The following BANP variants were observed in gnomAD, a reference collection of about 807,000 sequenced individuals.
BANP encodes the protein protein BANP.
A neutral mutation model predicts 68.1 loss-of-function variants in BANP; 11 were observed. The ratio of observed to expected loss-of-function variants is 0.16; its 90% confidence interval spans 0.10 to 0.27. The LOEUF (loss-of-function observed/expected upper bound fraction) is 0.27, where lower values mean the gene tolerates loss of function less well. BANP is among the 10% of genes least tolerant of loss of function. BANP has a pLI of 1.00. For synonymous variants in BANP, 329 were observed against 303.2 expected, an observed-to-expected ratio of 1.09 and a Z score of -0.88; for missense variants, 504 against 722.7, an observed-to-expected ratio of 0.70 and a Z score of 3.47.
intron 13 of BANP, 44 bp downstream of exon 13, chr16:88,072,256 G>T (rs1232170655): frequency 6.4e-7 from 1 of 1,559,454 alleles, no homozygotes; most frequent in Non-Finnish European, 8.7e-7. Flanking sequence ...TGATGGCATG[G>T]CCGCCTGCCG....
chr16:88,050,758 G>A lies in BANP; in HGVS notation c.1311+12747G>A, dbSNP rs113790455. 6.6e-4 allele frequency among the ~76,000 whole-genome samples: 100 copies of A among 152,128 alleles called. 1 individual carries two copies. Among genetic ancestry groups the A allele is most frequent in the African/African-American group, 2.4e-3 (98 of 41,510 alleles). ...GGCTGGAGTGCAGTGGTGCAGTCAC[G>A]GCTCACTGCAACCTCTGCCTCCAGG... On this transcript the variant is annotated intron_variant, in intron 11 of 13. Transcript: ENST00000682872.
At chr16:87,967,938 G>A (rs907794687) in intron 1 of BANP, among the ~76,000 whole-genome samples, 6 of 150,562 alleles carry the variant, frequency 4.0e-5, no homozygotes, top group African/African-American at 1.2e-4. Context: ...GGTATTTTTA[G>A]TAAGACAGGT....
chr16:88,023,466 G>GCTTCGAGACA (rs67108688), intron 7 of BANP, among the ~76,000 whole-genome samples: 41,345 of 89,686 alleles, frequency 0.46, 7,439 homozygotes, highest in Non-Finnish European at 0.58. Flanking sequence ...TCGGGCAGAG[G>GCTTCGAGACA]CCTTTTGTTT....
chr16:88,021,537 C>T (rs1169205822), intron 7 of BANP, among the ~76,000 whole-genome samples: 3 of 152,216 alleles, frequency 2.0e-5, no homozygotes, highest in African/African-American at 7.2e-5. Context: ...TCTCCCCCGC[C>T]TCAGGCTAGG....
intron 7 of BANP, among the ~76,000 whole-genome samples, chr16:88,019,104 G>A (rs549954830): frequency 1.2e-4 from 18 of 152,294 alleles, no homozygotes; most frequent in South Asian, 6.2e-4. Context: ...CTCAGCAGCC[G>A]TGCCAGGGCC....
chr16:88,038,474 G>T (rs1409201876), intron 11 of BANP, among the ~76,000 whole-genome samples: 1 of 79,152 alleles, frequency 1.3e-5, no homozygotes, highest in African/African-American at 5.2e-5. Context: ...TCCCACCCCC[G>T]CCACCCCACC....
chr16:88,072,053 G>C lies in BANP; in HGVS notation c.1378-16G>C, dbSNP rs113141769. 53 of 1,559,198 alleles carry C rather than the reference G, an allele frequency of 3.4e-5. No individual in the cohort carries two copies. The African/African-American group carries it at 5.4e-4, about 16-fold the overall frequency. On this transcript the variant is annotated splice_polypyrimidine_tract_variant and intron_variant, in intron 12 of 13. Transcript: ENST00000682872. ...TGGGCCACGCCGCTGACGGGCCCCC[G>C]TGTGTCTCCCTCCAGGTGCTGCAGG...
At chr16:87,986,985 G>A (rs1026207104) in intron 4 of BANP, among the ~76,000 whole-genome samples, 7 of 152,076 alleles carry the variant, frequency 4.6e-5, no homozygotes, top group Admixed American at 3.3e-4. Context: ...TAGAAGAATC[G>A]TTCTGCTATT....
intron 12 of BANP, among the ~76,000 whole-genome samples, chr16:88,069,425 C>T (rs566036969): frequency 1.4e-4 from 22 of 152,348 alleles, no homozygotes; most frequent in African/African-American, 4.1e-4. Flanking sequence ...GAGAGGCCTA[C>T]GCCCGAGCCC....
In BANP at chr16:88,060,524, C is replaced by T. The variant is rs566163917; in HGVS notation, c.1312-4743C>T. ...TTAGAAGTTCGTTCTTTTGCCCTCT[C>T]ACGGTGGATTCAAACGTATTTTTTG... On this transcript the variant is annotated intron_variant, in intron 11 of 13. Transcript: ENST00000682872. Among the ~76,000 whole-genome samples the T allele has an allele frequency of 5.3e-5, 8 of 152,366 alleles. No individual in the cohort carries two copies. The South Asian group carries it at 1.2e-3, about 24-fold the overall frequency.
chr16:88,043,891 C>G (rs996503390), intron 11 of BANP, among the ~76,000 whole-genome samples: 1 of 139,724 alleles, frequency 7.2e-6, no homozygotes, highest in Non-Finnish European at 1.5e-5. Context: ...ACAAAAAAAG[C>G]CCTTAAAAAT....
intron 1 of BANP, among the ~76,000 whole-genome samples, chr16:87,967,622 A>AATT (rs1555538368): frequency 8.3e-6 from 1 of 120,584 alleles, no homozygotes; most frequent in African/African-American, 3.3e-5. Context: ...CACCCAGTTA[A>AATT]TTTTTTTTTT....
intron 11 of BANP, among the ~76,000 whole-genome samples, chr16:88,053,360 C>T (rs2083843208): frequency 6.6e-6 from 1 of 151,836 alleles, no homozygotes; most frequent in Admixed American, 6.6e-5. Flanking sequence ...ACCACCCTAA[C>T]AGCCACTCCC....
At chr16:87,962,799 A>G (rs7498865) in intron 1 of BANP, among the ~76,000 whole-genome samples, 36,456 of 151,946 alleles carry the variant, frequency 0.24, 4,861 homozygotes, top group East Asian at 0.49. Context: ...TCAGTCATTT[A>G]TAGTTTTCTT....
intron 4 of BANP, among the ~76,000 whole-genome samples, chr16:87,998,822 C>G (rs2068099426): frequency 1.4e-5 from 2 of 141,382 alleles, no homozygotes; most frequent in Non-Finnish European, 3.1e-5. Context: ...AGACACGTCT[C>G]CGTGCCCGCA....
intron 7 of BANP, among the ~76,000 whole-genome samples, chr16:88,025,078 T>A (rs944482278): frequency 6.6e-6 from 1 of 152,216 alleles, no homozygotes; most frequent in Non-Finnish European, 1.5e-5. Flanking sequence ...TCTGAGGATG[T>A]TTCTTTTTAT....
chr16:87,975,106 C>CT lies in BANP; in HGVS notation c.-10_-9insT, dbSNP rs71156278. ...TCTTTCGTGTTGACCGGCCACTCTC[C>CT]GTGCTCTGGATGATGTCGGAACACG... On this transcript the variant is annotated 5_prime_UTR_variant, in exon 2 of 14. Transcript: ENST00000682872. 0.42 allele frequency: 679,078 copies of CT among 1,612,686 alleles called. 155,763 individuals are homozygous for CT. The highest frequency in any genetic ancestry group is 0.49 in the Non-Finnish European group (573,089 of 1,179,002).
chr16:88,018,215 G>A lies in BANP; in HGVS notation c.656-213G>A, dbSNP rs1348718630. 6.6e-6 allele frequency among the ~76,000 whole-genome samples: 1 copy of A among 152,124 alleles called. No individual in the cohort carries two copies. Among genetic ancestry groups the A allele is most frequent in the Non-Finnish European group, 1.5e-5 (1 of 68,026 alleles). On this transcript the variant is annotated intron_variant, in intron 6 of 13. Coordinates refer to ENST00000682872, the MANE Select transcript of BANP (RefSeq NM_001386991.1). This position sits in a 1 kb window ranked among gnomAD's most constrained non-coding sequence, Gnocchi z 7.7. Reference sequence around the variant, plus strand: ...CACAGGCACGTGGCCGCTTCTCGGGGGTGGTGGGATCGTGTCTGTTCCGCG... The same window carrying A: ...CACAGGCACGTGGCCGCTTCTCGGGAGTGGTGGGATCGTGTCTGTTCCGCG...
chr16:87,954,343 T>C (rs2057610870), intron 1 of BANP, among the ~76,000 whole-genome samples: 1 of 152,206 alleles, frequency 6.6e-6, no homozygotes, highest in South Asian at 2.1e-4. Flanking sequence ...TAAGGATTCT[T>C]CCCAGCTCTC....
Sources: gnomAD v4.1 joint callset for allele counts (sites outside exome capture counted in the v4.1 genomes callset) on GRCh38, gnomAD v4.1.1 for gene constraint, Gnocchi (gnomAD v3.1) non-coding constraint, MANE v1.5 for transcripts, NCBI Gene and HGNC (gene_info 2026-07-23, HGNC 2026-07-21) for gene names.